Variants in SATB1 observed in about 807,000 individuals in gnomAD.
SATB1 encodes the protein DNA-binding protein SATB1.
In SATB1, 11 loss-of-function variants were observed where a neutral mutation model predicts 86.9. That is an observed-to-expected ratio of 0.13 (90% confidence interval 0.08 to 0.21). The LOEUF is 0.21. SATB1 is among the 10% of genes least tolerant of loss of function. The pLI is 1.00. For missense variants in SATB1, 551 were observed against 937.6 expected (o/e 0.59, Z 5.39); for synonymous variants, 357 against 357.2 (o/e 1.00, Z 0.01).
At chr3:18,367,522 C>T (rs894167289) in intron 9 of SATB1, among the ~76,000 whole-genome samples, 1 of 152,142 alleles carries the variant, frequency 6.6e-6, no homozygotes. Flanking sequence ...GATTCTTCAT[C>T]GGTGACTTGT....
Position 18,416,011 on chromosome 3 carries a change from G to A in SATB1, c.511C>T (p.His171Tyr). 2 of 1,601,298 alleles carry A rather than the reference G, an allele frequency of 1.2e-6. No homozygotes were observed. The highest frequency in any genetic ancestry group is 1.7e-6 in the Non-Finnish European group (2 of 1,171,992). Residue 171 changes from histidine (H) to tyrosine (Y), a missense_variant, in exon 4 of 11, where the codon CAC (histidine) becomes TAC (tyrosine). His to Tyr is a moderately conservative substitution (Grantham distance 83). This residue lies in a region of SATB1 where 153 missense variants were observed against 258.1 expected (regional missense o/e 0.59). Transcript: ENST00000338745. ...AGATTTGCTGTCTTGACTCACCTGTGTAACTGAATTTTCAATGTGACCACA... is the reference window on the plus strand; with the variant it reads ...AGATTTGCTGTCTTGACTCACCTGTATAACTGAATTTTCAATGTGACCACA... The part of the protein sequence containing the change: ...YHVVTLKIQL[H>Y]SCPKLEDLPP...
At chr3:18,423,231 G>A (rs553086501) in intron 1 of SATB1, among the ~76,000 whole-genome samples, 5 of 152,142 alleles carry the variant, frequency 3.3e-5, no homozygotes, top group South Asian at 2.1e-4. Flanking sequence ...ATGTCTGGTT[G>A]CCACACAGAA....
rs1302326127 is a variant in SATB1, at chr3:18,346,601, T to C, written c.*2569A>G. ...GCTTGTGTGTGTGTGTGTGTGTGTG[T>C]GTGTGTATGTGTGGGCATTTAAAAT... is the stretch of plus-strand genomic sequence containing the variant. On this transcript the variant is annotated 3_prime_UTR_variant, in exon 11 of 11. Coordinates refer to ENST00000338745, the MANE Select transcript of SATB1 (RefSeq NM_002971.6). 6.6e-6 allele frequency: 1 copy of C among 151,956 alleles called. No homozygotes were observed. The highest frequency in any genetic ancestry group is 2.4e-5 in the African/African-American group (1 of 41,384). 9.4% of individuals were successfully genotyped at this position (151,956 alleles called of 1,614,324 possible).
intron 9 of SATB1, among the ~76,000 whole-genome samples, chr3:18,375,674 A>G (rs891891333): frequency 6.6e-5 from 10 of 152,182 alleles, no homozygotes; most frequent in Admixed American, 2.0e-4. Context: ...GAACCTAAGT[A>G]AATGGCCACT....
intron 5 of SATB1, among the ~76,000 whole-genome samples, chr3:18,411,722 A>G (rs1160561307): frequency 6.6e-6 from 1 of 152,054 alleles, no homozygotes; most frequent in Non-Finnish European, 1.5e-5. Context: ...ACAACAAAAC[A>G]TCTAACCTCA....
chr3:18,418,032 CTG>C (rs1359341207), intron 2 of SATB1, among the ~76,000 whole-genome samples: 1 of 152,142 alleles, frequency 6.6e-6, no homozygotes, highest in Non-Finnish European at 1.5e-5. Flanking sequence ...ATGCAGCGCA[CTG>C]TCAGACTTCC....
intron 9 of SATB1, among the ~76,000 whole-genome samples, chr3:18,359,282 A>C (rs1178323676): frequency 6.6e-6 from 1 of 152,028 alleles, no homozygotes; most frequent in Non-Finnish European, 1.5e-5. Flanking sequence ...ACCTGGCCAG[A>C]GCAGATACAA....
intron 9 of SATB1, among the ~76,000 whole-genome samples, chr3:18,365,464 G>C (rs1695140887): frequency 6.6e-6 from 1 of 151,964 alleles, no homozygotes; most frequent in Non-Finnish European, 1.5e-5. Context: ...TAGGGTCGGG[G>C]AGGGGAGTGG....
intron 9 of SATB1, among the ~76,000 whole-genome samples, chr3:18,370,686 T>C (rs192488043): frequency 2.0e-5 from 3 of 152,124 alleles, no homozygotes; most frequent in Non-Finnish European, 4.4e-5. Context: ...TTACTCAAAT[T>C]TGGACCTCAA....
At chr3:18,397,125 C>T (rs1697002017) in intron 6 of SATB1, 54 bp downstream of exon 6, 12 of 985,260 alleles carry the variant, frequency 1.2e-5, no homozygotes, top group Non-Finnish European at 1.8e-5. Context: ...TTGATAAACC[C>T]CCAAATGACA....
At chr3:18,426,044 T>C (rs987632523), upstream of SATB1, among the ~76,000 whole-genome samples, 4 of 151,854 alleles carry the variant, frequency 2.6e-5, no homozygotes, top group Non-Finnish European at 5.9e-5. This position sits in a 1 kb window ranked among gnomAD's most constrained non-coding sequence, Gnocchi z 4.2. Flanking sequence ...TGACAGGCGC[T>C]GAGGAATGAG....
rs374703058 is a variant in SATB1 at position 18,349,185 on chromosome 3, A to G, written c.2277T>C (p.Thr759=). 4.6e-5 allele frequency: 75 copies of G among 1,613,202 alleles called. No individual in the cohort carries two copies. The African/African-American group carries it at 9.1e-4, about 20-fold the overall frequency. ...LSVEGNTDIN[T]DLKD is the part of the protein sequence containing the mutation. ...TACTTTTATCTCAGTCTTTCAAATC[A>G]GTATTAATGTCTGTGTTTCCTTCCA... The change falls in exon 11 of 11, where the codon ACT becomes ACC. Residue 759 remains threonine (T), a synonymous_variant. Coordinates refer to ENST00000338745, the MANE Select transcript of SATB1 (RefSeq NM_002971.6). This position sits in a 1 kb window ranked among gnomAD's most constrained non-coding sequence, Gnocchi z 5.5.
intron 8 of SATB1, among the ~76,000 whole-genome samples, chr3:18,380,323 T>C (rs1362345243): frequency 6.6e-6 from 1 of 152,234 alleles, no homozygotes; most frequent in Non-Finnish European, 1.5e-5. Flanking sequence ...TCGATCTGTT[T>C]TTAAAGTAAT....
intron 9 of SATB1, among the ~76,000 whole-genome samples, chr3:18,375,701 G>A (rs777458263): frequency 7.2e-5 from 11 of 151,990 alleles, no homozygotes; most frequent in Non-Finnish European, 1.5e-4. Flanking sequence ...TATTAAGTCG[G>A]GTTTCTTTTG....
At chr3:18,412,468 T>C (rs1297826166) in intron 5 of SATB1, among the ~76,000 whole-genome samples, 1 of 152,080 alleles carries the variant, frequency 6.6e-6, no homozygotes, top group Non-Finnish European at 1.5e-5. Context: ...CCTGTAGCCA[T>C]ACTTGCTACT....
intron 7 of SATB1, among the ~76,000 whole-genome samples, chr3:18,393,100 GA>G (rs1477652946): frequency 1.3e-5 from 2 of 151,946 alleles, no homozygotes; most frequent in African/African-American, 4.8e-5. Flanking sequence ...CCTAGGTATG[GA>G]AACTCTGCAA....
chr3:18,397,658 C>T (rs747416402), intron 5 of SATB1, among the ~76,000 whole-genome samples: 5 of 152,130 alleles, frequency 3.3e-5, no homozygotes, highest in South Asian at 2.1e-4. Context: ...CGAGACTTCG[C>T]GATTTTTTGA....
intron 4 of SATB1, among the ~76,000 whole-genome samples, chr3:18,415,779 C>T (rs1264977903): frequency 1.3e-5 from 2 of 151,690 alleles, no homozygotes; most frequent in African/African-American, 2.4e-5. Context: ...CTTTTGATAA[C>T]CTGCACAAAC....
chr3:18,362,881 A>AC (rs61361033), intron 9 of SATB1, among the ~76,000 whole-genome samples: 1,251 of 108,144 alleles, frequency 0.012, 68 homozygotes, highest in South Asian at 0.043. Context: ...AAAAAAAAAA[A>AC]CCAAAACCCC....
Sources: allele counts gnomAD v4.1 joint callset (sites outside exome capture counted in the v4.1 genomes callset), GRCh38; gene constraint gnomAD v4.1.1; regional missense constraint gnomAD v4.1.1; non-coding constraint Gnocchi (gnomAD v3.1); transcripts MANE v1.5; gene names NCBI Gene and HGNC (gene_info 2026-07-23, HGNC 2026-07-21).